TAF1: variants seen among roughly 807,000 people sequenced by gnomAD.
The protein encoded by TAF1 is transcription initiation factor TFIID subunit 1.
TAF1 carries 2 observed loss-of-function variants against 138.5 expected under a neutral mutation model. The ratio of observed to expected loss-of-function variants is 0.01; its 90% CI spans 0.01 to 0.05. The LOEUF (loss-of-function observed/expected upper bound fraction) is 0.05, where lower values mean the gene tolerates loss of function less well. Ranked by LOEUF, TAF1 falls within the 10% of genes least tolerant of loss-of-function variation. The pLI is 1.00. For missense variants in TAF1, 709 were observed against 1,478.0 expected, an observed-to-expected ratio of 0.48 and a Z score of 8.53; for synonymous variants, 437 against 503.2, an observed-to-expected ratio of 0.87 and a Z score of 1.76.
intron 25 of TAF1, among the ~76,000 whole-genome samples, chrX:71,403,208 T>C (rs1318542723): frequency 9.0e-6 from 1 of 110,623 alleles, no homozygotes; most frequent in African/African-American, 3.3e-5. Context: ...TTTGTATTTT[T>C]TGTAGAGACA....
At chrX:71,524,820 A>G (rs2039970549) in intron 13 of TAF1, among the ~76,000 whole-genome samples, 3 of 107,768 alleles carry the variant, frequency 2.8e-5, no homozygotes, top group Admixed American at 1.0e-4. Context: ...GGTTGCCTGT[A>G]ATCCCAACTA....
At chrX:71,420,582 G>A in intron 28 of TAF1, 2 of 1,209,622 alleles carry the variant, frequency 1.7e-6, no homozygotes, top group South Asian at 1.8e-5. Context: ...ACCTCGTTCT[G>A]TAGCTCCTTT....
Position 71,376,930 on chromosome X carries a change from G to C in TAF1, c.473-20G>C. 8.3e-7 allele frequency: 1 copy of C among 1,209,267 alleles called. No homozygotes were observed. Among genetic ancestry groups the C allele is most frequent in the Non-Finnish European group, 1.1e-6 (1 of 894,111 alleles). On this transcript the variant is annotated intron_variant, in intron 4 of 37. Transcript: ENST00000423759. ...ATGTTCACAGTTACATGCCAAAGGG[G>C]TTTCTCTTCCTTGTTGCAGTGTCTG...
At chrX:71,513,280 G>A (rs2147614197) in intron 13 of TAF1, among the ~76,000 whole-genome samples, 1 of 111,693 alleles carries the variant, frequency 9.0e-6, no homozygotes, top group Admixed American at 9.5e-5. Context: ...TGAAAGAGAT[G>A]GAAAAAGATG....
chrX:71,460,942 G>A, intron 37 of TAF1, 139 bp downstream of exon 37: 2 of 898,375 alleles, frequency 2.2e-6, no homozygotes, highest in Non-Finnish European at 3.1e-6. Context: ...TAGGCTCTGG[G>A]GATACACAGA....
intron 25 of TAF1, among the ~76,000 whole-genome samples, chrX:71,403,487 G>A (rs1473680988): frequency 1.8e-5 from 2 of 111,939 alleles, no homozygotes; most frequent in Non-Finnish European, 1.9e-5. Context: ...TATGCTTACT[G>A]TACTATATCA....
chrX:71,468,475 C>A (rs1258597187), downstream of TAF1, among the ~76,000 whole-genome samples: 1 of 108,284 alleles, frequency 9.2e-6, no homozygotes, highest in Admixed American at 1.0e-4. Context: ...ATCACAAGGT[C>A]AGGAGTTTGA....
intron 32 of TAF1, among the ~76,000 whole-genome samples, chrX:71,426,112 G>A (rs2036578426): frequency 9.1e-6 from 1 of 109,470 alleles, no homozygotes; most frequent in Non-Finnish European, 1.9e-5. Context: ...AAAAAAAGTG[G>A]GGTTAGAGGA....
At chrX:71,474,160 G>C (rs1203822184) in intron 13 of TAF1, among the ~76,000 whole-genome samples, 1 of 110,849 alleles carries the variant, frequency 9.0e-6, no homozygotes, top group Non-Finnish European at 1.9e-5. Context: ...AAGAAAGAGA[G>C]AGAGAGAGAG....
Position 71,377,590 on chromosome X carries a change from T to C in TAF1, c.715-13T>C, listed in dbSNP as rs766326314. 9.9e-6 allele frequency: 12 copies of C among 1,206,263 alleles called. No individual in the cohort carries two copies. Among genetic ancestry groups the C allele is most frequent in the Non-Finnish European group, 1.3e-5 (12 of 893,482 alleles). On this transcript the variant is annotated splice_polypyrimidine_tract_variant and intron_variant, in intron 5 of 37. Transcript: ENST00000423759. ...TTTGAGTCTGTGTCATAGTAATGTA[T>C]TCTGTGTTCTAGGTGTTACGTTTTC...
At chrX:71,487,100 CTT>C (rs759544384) in intron 13 of TAF1, among the ~76,000 whole-genome samples, 5 of 97,649 alleles carry the variant, frequency 5.1e-5, no homozygotes, top group African/African-American at 3.7e-5. Flanking sequence ...AAATTTCAGC[CTT>C]TTTTTTTTTT....
At position 71,417,659 on chromosome X, in the gene TAF1, C is replaced by T. The variant is rs187999035; in HGVS notation, c.4385-3650C>T. 3.4e-3 allele frequency among the ~76,000 whole-genome samples: 374 copies of T among 111,514 alleles called. 6 individuals carry two copies. The highest frequency in any genetic ancestry group is 0.033 in the Admixed American group (343 of 10,475). On this transcript the variant is annotated intron_variant, in intron 28 of 37. Transcript: ENST00000423759. ...GATTACAGGCGTGAGCAACCACCCC[C>T]GGCCCCAGTAAGCAGATACAGTTGT...
At chrX:71,368,241 G>T in intron 3 of TAF1, 71 bp downstream of exon 3, 1 of 1,045,230 alleles carries the variant, frequency 9.6e-7, no homozygotes, top group Non-Finnish European at 1.3e-6. Flanking sequence ...TTGGGCTCTG[G>T]TTTCTATACC....
At chrX:71,392,502 T>C in intron 18 of TAF1, 67 bp from the exon 19 acceptor site, 3 of 1,073,007 alleles carry the variant, frequency 2.8e-6, no homozygotes, top group Non-Finnish European at 3.7e-6. Flanking sequence ...ATTCTACTCT[T>C]GTAGATATTG....
intron 13 of TAF1, among the ~76,000 whole-genome samples, chrX:71,501,355 A>T (rs1441721028): frequency 9.0e-6 from 1 of 111,149 alleles, no homozygotes; most frequent in African/African-American, 3.3e-5. Flanking sequence ...GTGCCTAAAG[A>T]AGGGAACAGA....
chrX:71,525,496 A>G (rs1266570824), intron 13 of TAF1, among the ~76,000 whole-genome samples: 3 of 112,357 alleles, frequency 2.7e-5, no homozygotes, highest in Admixed American at 9.5e-5. Context: ...CAAAAACACT[A>G]CATTACAGCA....
chrX:71,483,597 A>G (rs968383882), intron 13 of TAF1, among the ~76,000 whole-genome samples: 3 of 107,550 alleles, frequency 2.8e-5, no homozygotes, highest in African/African-American at 1.0e-4. Flanking sequence ...AAACAAACAA[A>G]CAAACAAATA....
chrX:71,367,938 T>C (rs1226136625), intron 2 of TAF1, 116 bp from the exon 3 acceptor site: 25 of 816,511 alleles, frequency 3.1e-5, no homozygotes, highest in African/African-American at 6.1e-5. Flanking sequence ...TCCAAAGTGC[T>C]GGGATTACAG....
intron 35 of TAF1, chrX:71,459,270 A>G: frequency 8.8e-7 from 1 of 1,138,271 alleles, no homozygotes. Flanking sequence ...GCTTATAGAA[A>G]GCTTATGGTT....
Sources: allele counts gnomAD v4.1 joint callset (sites outside exome capture counted in the v4.1 genomes callset), GRCh38; gene constraint gnomAD v4.1.1; transcripts MANE v1.5; gene names NCBI Gene and HGNC (gene_info 2026-07-23, HGNC 2026-07-21).